Variants in ELP2 observed in about 807,000 individuals in gnomAD.
ELP2 encodes the protein elongator acetyltransferase complex subunit 2, also known as elongator complex protein 2.
In ELP2, 90 loss-of-function variants were observed where a neutral mutation model predicts 119.2. That is an observed-to-expected ratio of 0.75 (90% CI 0.64 to 0.90). ELP2 has a LOEUF of 0.90. ELP2 is among the 40% of genes least tolerant of loss of function. The pLI is 0.00. For missense variants in ELP2, 921 were observed against 967.8 expected, an observed-to-expected ratio of 0.95 and a Z score of 0.64; for synonymous variants, 339 against 331.0, an observed-to-expected ratio of 1.02 and a Z score of -0.26.
intron 21 of ELP2, among the ~76,000 whole-genome samples, chr18:36,172,377 A>G (rs1346411981): frequency 2.0e-5 from 3 of 152,218 alleles, no homozygotes; most frequent in Non-Finnish European, 2.9e-5. Flanking sequence ...TCAAATAGCA[A>G]TTTCAAATGA....
chr18:36,159,872 ACAG>A, intron 15 of ELP2, 42 bp downstream of exon 15: 1 of 1,605,108 alleles, frequency 6.2e-7, no homozygotes. Flanking sequence ...GCTAGAACAC[ACAG>A]TATGTTATCT....
chr18:36,149,443 A>T (rs1196622647), intron 11 of ELP2, among the ~76,000 whole-genome samples: 2 of 147,526 alleles, frequency 1.4e-5, no homozygotes, highest in African/African-American at 5.0e-5. Flanking sequence ...AGGAATTTTG[A>T]TACAAGACTT....
intron 19 of ELP2, among the ~76,000 whole-genome samples, chr18:36,169,388 CTT>C (rs34958735): frequency 1.3e-3 from 178 of 140,524 alleles, no homozygotes; most frequent in Admixed American, 1.2e-3. Flanking sequence ...CTGATAAGTT[CTT>C]TTTTTTTTTT....
chr18:36,148,530 A>G (rs993496590), intron 11 of ELP2, among the ~76,000 whole-genome samples: 3 of 152,140 alleles, frequency 2.0e-5, no homozygotes, highest in African/African-American at 7.2e-5. Context: ...TTAACACCTC[A>G]GGCCATGGAT....
chr18:36,155,604 A>G (rs565837411), intron 12 of ELP2, among the ~76,000 whole-genome samples: 2 of 151,970 alleles, frequency 1.3e-5, no homozygotes, highest in Admixed American at 1.3e-4. Context: ...GGATCTTGCT[A>G]TGTTGCTCAG....
Position 36,137,741 on chromosome 18 carries a change from T to C in ELP2, c.289-529T>C, listed in dbSNP as rs993999099. Among the ~76,000 whole-genome samples, 9 of 143,110 alleles carry C rather than the reference T, an allele frequency of 6.3e-5. No homozygotes were observed. In the Admixed American group the frequency reaches 6.9e-4, roughly 11 times the overall value. 93.9% of individuals were successfully genotyped at this position (143,110 alleles called of 152,430 possible). A position where few individuals can be genotyped will look rare whatever the true frequency, so the allele number is the denominator to read the frequency against. ...ATCATGAGTGGATGCTAAAAGTACT[T>C]AGTAAAAGTTTGATGAGGAATAGAA... On this transcript the variant is annotated intron_variant, in intron 3 of 21. Coordinates refer to ENST00000358232, the MANE Select transcript of ELP2 (RefSeq NM_018255.4).
At chr18:36,160,664 A>G (rs1277595470) in intron 16 of ELP2, among the ~76,000 whole-genome samples, 2 of 150,836 alleles carry the variant, frequency 1.3e-5, no homozygotes, top group Non-Finnish European at 3.0e-5. Flanking sequence ...TCCATGTTTT[A>G]TTGTTTAGAT....
chr18:36,159,497 G>C (rs528499974), intron 14 of ELP2, among the ~76,000 whole-genome samples: 9 of 152,186 alleles, frequency 5.9e-5, no homozygotes, highest in Non-Finnish European at 1.2e-4. Flanking sequence ...AAAGTTTGGA[G>C]ACTGTTAGAT....
chr18:36,143,050 AGG>A, intron 8 of ELP2, 84 bp downstream of exon 8: 1 of 939,584 alleles, frequency 1.1e-6, no homozygotes, highest in Non-Finnish European at 1.6e-6. Flanking sequence ...ACCTATGTGA[AGG>A]ATAGTTTTTC....
At chr18:36,155,047 A>T (rs1161062579) in intron 12 of ELP2, 48 bp downstream of exon 12, 2 of 1,519,556 alleles carry the variant, frequency 1.3e-6, no homozygotes, top group Non-Finnish European at 1.8e-6. Context: ...ACAGAGTTTC[A>T]CATCACCCAG....
At chr18:36,166,149 C>T (rs1413102396) in intron 18 of ELP2, among the ~76,000 whole-genome samples, 1 of 151,356 alleles carries the variant, frequency 6.6e-6, no homozygotes, top group East Asian at 2.0e-4. Context: ...GTGGAGATCC[C>T]ACCACGGCAC....
intron 5 of ELP2, among the ~76,000 whole-genome samples, chr18:36,140,696 CAA>C (rs1186279556): frequency 3.3e-5 from 5 of 152,238 alleles, no homozygotes; most frequent in Middle Eastern, 3.4e-3. Flanking sequence ...GGTTTTCAAA[CAA>C]AACATAAAGT....
Position 36,164,530 on chromosome 18 carries a change from A to G in ELP2, c.1817A>G (p.Gln606Arg). 6.2e-7 allele frequency: 1 copy of G among 1,614,152 alleles called. No individual in the cohort carries two copies. Among genetic ancestry groups the G allele is most frequent in the South Asian group, 1.1e-5 (1 of 91,084 alleles). The change falls in exon 18 of 22, where the codon CAG (glutamine) becomes CGG (arginine). Residue 606 changes from glutamine (Q) to arginine (R), a missense_variant. Gln to Arg is a conservative substitution (Grantham distance 43). Transcript: ENST00000358232. The part of the protein sequence containing the change: ...IILWNTTSWK[Q>R]VQNLVFHSLT... ...CTTTGGAACACTACATCTTGGAAAC[A>G]GGTGCAGAATTTAGTTTTCCACAGT... is the stretch of plus-strand genomic sequence containing the variant.
At chr18:36,141,065 C>T in intron 5 of ELP2, 72 bp from the exon 6 acceptor site, 1 of 1,218,086 alleles carries the variant, frequency 8.2e-7, no homozygotes, top group South Asian at 1.2e-5. Flanking sequence ...AGCTTACAAT[C>T]CAGTACAGTT....
Position 36,142,810 on chromosome 18 carries a change from C to G in ELP2, c.656-16C>G, listed in dbSNP as rs1419445242. On this transcript the variant is annotated splice_polypyrimidine_tract_variant and intron_variant, in intron 7 of 21. Coordinates refer to ENST00000358232, the MANE Select transcript of ELP2 (RefSeq NM_018255.4). ...ATATAATGTTTTAAAATTAATACAA[C>G]TTATTTTTTAATTAGGTAGAGATCT... The G allele has an allele frequency of 8.4e-6, 13 of 1,556,376 alleles. No individual in the cohort carries two copies. Among genetic ancestry groups the G allele is most frequent in the Non-Finnish European group, 1.1e-5 (13 of 1,135,058 alleles).
At chr18:36,173,029 C>T (rs1412824813) in intron 21 of ELP2, among the ~76,000 whole-genome samples, 1 of 152,132 alleles carries the variant, frequency 6.6e-6, no homozygotes, top group Non-Finnish European at 1.5e-5. Flanking sequence ...AACTCCCTAT[C>T]TTCTTAAATA....
At chr18:36,145,373 A>G in intron 9 of ELP2, 1 of 333,698 alleles carries the variant, frequency 3.0e-6, no homozygotes, top group East Asian at 7.5e-5. Flanking sequence ...CCTCAGTAAT[A>G]ACAAAGTTGG....
chr18:36,152,495 A>G (rs550258865), intron 11 of ELP2, among the ~76,000 whole-genome samples: 1 of 152,342 alleles, frequency 6.6e-6, no homozygotes, highest in Non-Finnish European at 1.5e-5. Context: ...TCTGGGTAAC[A>G]GGCATATTCA....
chr18:36,158,260 A>T (rs2090629852), intron 13 of ELP2, among the ~76,000 whole-genome samples: 1 of 152,210 alleles, frequency 6.6e-6, no homozygotes, highest in South Asian at 2.1e-4. Flanking sequence ...GTTAGCATAT[A>T]TTTTCACATG....
Sources: gnomAD v4.1 joint callset for allele counts (sites outside exome capture counted in the v4.1 genomes callset) on GRCh38, gnomAD v4.1.1 for gene constraint, MANE v1.5 for transcripts, NCBI Gene and HGNC (gene_info 2026-07-23, HGNC 2026-07-21) for gene names.